Variants in SNRPN observed in about 807,000 individuals in gnomAD.
SNRPN encodes small nuclear ribonucleoprotein polypeptide N, also known as small nuclear ribonucleoprotein-associated protein N.
In SNRPN, 7 loss-of-function variants were observed where a neutral mutation model predicts 25.2. That is an observed-to-expected ratio of 0.28 (90% CI 0.16 to 0.52). The LOEUF (loss-of-function observed/expected upper bound fraction) is 0.52. Ranked by LOEUF, SNRPN falls within the 20% of genes least tolerant of loss-of-function variation. The pLI, the probability that SNRPN is intolerant of heterozygous loss-of-function variation, is 0.96. For synonymous variants in SNRPN, 124 were observed against 110.6 expected (o/e 1.12, Z -0.76); for missense variants, 196 against 322.5 (o/e 0.61, Z 3.00).
chr15:24,956,742 A>G (rs555642204), intron 1 of SNRPN, among the ~76,000 whole-genome samples: 3 of 152,294 alleles, frequency 2.0e-5, no homozygotes, highest in South Asian at 4.1e-4. Flanking sequence ...TCCGCCTAGC[A>G]AGCTTGGCAG....
In SNRPN at chr15:24,977,916, G is replaced by A. The variant is rs1388523848; in HGVS notation, c.559G>A (p.Gly187Ser). 6.4e-7 allele frequency: 1 copy of A among 1,559,012 alleles called. No homozygotes were observed. The highest frequency in any genetic ancestry group is 2.0e-5 in the Admixed American group (1 of 49,654). The change falls in exon 8 of 10, where the codon GGC (glycine) becomes AGC (serine). Residue 187 changes from glycine (G) to serine (S), a missense_variant and splice_region_variant. By Grantham distance (56) the Gly-to-Ser change is moderately conservative. Transcript: ENST00000390687. ...PPVGRATPPP[G>S]IMAPPPGMRP... is the part of the protein sequence containing the mutation. ...CGTCGGCAGAGCAACCCCACCTCCAGGTAAGGGATTGGTGAACACGAAGAC... is the reference window on the plus strand; with the variant it reads ...CGTCGGCAGAGCAACCCCACCTCCAAGTAAGGGATTGGTGAACACGAAGAC...
chr15:24,834,788 T>G, intron 2 of SNRPN, among the ~76,000 whole-genome samples: 1 of 131,180 alleles, frequency 7.6e-6, no homozygotes, highest in South Asian at 2.5e-4. Context: ...TAGCCAGGCG[T>G]GGTGGCAGTC....
chr15:24,958,486 GTTTTTTTTTTTTT>G (rs71127030), intron 1 of SNRPN, among the ~76,000 whole-genome samples: 52 of 65,300 alleles, frequency 8.0e-4, no homozygotes, highest in South Asian at 2.0e-3. Context: ...CTGGCTCAAA[GTTTTTTTTTTTTT>G]TTTTTTTTTT....
intron 3 of SNRPN, among the ~76,000 whole-genome samples, chr15:24,939,804 T>G (rs1322336504): frequency 6.6e-6 from 1 of 151,664 alleles, no homozygotes; most frequent in Non-Finnish European, 1.5e-5. Context: ...TTTTTTTTCT[T>G]TTTGATACAG....
chr15:24,951,127 C>A (rs1296228074), upstream of SNRPN, among the ~76,000 whole-genome samples: 2 of 152,160 alleles, frequency 1.3e-5, no homozygotes, highest in African/African-American at 4.8e-5. Flanking sequence ...TCCCAAAGTG[C>A]TGATATTACA....
intron 2 of SNRPN, among the ~76,000 whole-genome samples, chr15:24,841,960 T>C (rs2051742972): frequency 6.6e-6 from 1 of 152,094 alleles, no homozygotes; most frequent in South Asian, 2.1e-4. Flanking sequence ...GTTTCCACAT[T>C]CCTTTCTCTC....
At chr15:24,859,796 G>C (rs11634958) in intron 1 of SNRPN, among the ~76,000 whole-genome samples, 19,946 of 152,222 alleles carry the variant, frequency 0.13, 1,504 homozygotes, top group South Asian at 0.33. Context: ...ACCAAGGGTG[G>C]ATTATCCATG....
At chr15:24,879,919 G>C (rs967722241) in intron 1 of SNRPN, among the ~76,000 whole-genome samples, 2 of 152,174 alleles carry the variant, frequency 1.3e-5, no homozygotes, top group East Asian at 1.9e-4. Flanking sequence ...ATTTGGATGA[G>C]ATTCACACTT....
At chr15:24,950,974 T>C (rs1038905562), upstream of SNRPN, among the ~76,000 whole-genome samples, 1 of 151,916 alleles carries the variant, frequency 6.6e-6, no homozygotes, top group Non-Finnish European at 1.5e-5. Context: ...GAGTCTTTAG[T>C]CTCAGTCCCA....
chr15:24,853,594 C>T (rs1328454299), upstream of SNRPN, among the ~76,000 whole-genome samples: 1 of 152,088 alleles, frequency 6.6e-6, no homozygotes, highest in African/African-American at 2.4e-5. Flanking sequence ...GGGGTTTCAC[C>T]GTGTTAGCCA....
At chr15:24,962,349 C>G in intron 2 of SNRPN, 140 bp downstream of exon 2, 1 of 730,522 alleles carries the variant, frequency 1.4e-6, no homozygotes, top group Non-Finnish European at 2.4e-6. Context: ...AGTAAAAAAG[C>G]AATGAAATTC....
chr15:24,837,462 G>T (rs1347039520), intron 2 of SNRPN, among the ~76,000 whole-genome samples: 1 of 151,144 alleles, frequency 6.6e-6, no homozygotes, highest in Non-Finnish European at 1.5e-5. Flanking sequence ...TCCGCCTCCT[G>T]GGTTCACGCC....
At chr15:24,867,532 G>A (rs1245517674) in intron 1 of SNRPN, among the ~76,000 whole-genome samples, 7 of 151,846 alleles carry the variant, frequency 4.6e-5, no homozygotes, top group Non-Finnish European at 1.0e-4. Flanking sequence ...CCGCCACCAC[G>A]CTCAGCTAAT....
intron 1 of SNRPN, among the ~76,000 whole-genome samples, chr15:24,866,951 G>A (rs956039041): frequency 3.9e-5 from 6 of 152,012 alleles, no homozygotes; most frequent in Non-Finnish European, 8.8e-5. Context: ...GGTTGATTCC[G>A]TATGTTTGCT....
At chr15:24,960,217 T>C (rs1166210216) in intron 1 of SNRPN, among the ~76,000 whole-genome samples, 2 of 152,222 alleles carry the variant, frequency 1.3e-5, no homozygotes, top group Admixed American at 1.3e-4. Flanking sequence ...TAGTGTCATA[T>C]GTTACTTTCA....
At chr15:24,886,085 C>G (rs1458823664) in intron 1 of SNRPN, among the ~76,000 whole-genome samples, 2 of 152,104 alleles carry the variant, frequency 1.3e-5, no homozygotes, top group Non-Finnish European at 2.9e-5. Context: ...TCTCTTAACT[C>G]CATCCATGCA....
At chr15:24,966,848 C>T (rs577114139) in intron 2 of SNRPN, among the ~76,000 whole-genome samples, 1 of 152,180 alleles carries the variant, frequency 6.6e-6, no homozygotes, top group African/African-American at 2.4e-5. Context: ...CCCAGCTCCT[C>T]ACCTCAAGGC....
At chr15:24,972,459 T>C (rs962483144) in intron 3 of SNRPN, among the ~76,000 whole-genome samples, 1 of 152,036 alleles carries the variant, frequency 6.6e-6, no homozygotes, top group Admixed American at 6.6e-5. Flanking sequence ...TTTGAGATCT[T>C]TATAGGTTTT....
intron 2 of SNRPN, among the ~76,000 whole-genome samples, chr15:24,834,728 C>CCTCTCTCT (rs372713413): frequency 0.081 from 3,477 of 42,694 alleles, 257 homozygotes; most frequent in East Asian, 0.23. Flanking sequence ...TCTCTCTCTC[C>CCTCTCTCT]CTCTCTCTCT....
Sources: allele counts gnomAD v4.1 joint callset (sites outside exome capture counted in the v4.1 genomes callset), GRCh38; gene constraint gnomAD v4.1.1; transcripts MANE v1.5; gene names NCBI Gene and HGNC (gene_info 2026-07-23, HGNC 2026-07-21).